The following KHDC4 variants were observed in gnomAD, a reference collection of about 807,000 sequenced individuals.
The protein encoded by KHDC4 is KH domain containing 4, pre-mRNA splicing factor, also known as KH homology domain-containing protein 4.
KHDC4 carries 19 observed loss-of-function variants against 74.5 expected under a neutral mutation model. The observed-to-expected ratio is 0.26, with a 90% CI of 0.18 to 0.37. The LOEUF (loss-of-function observed/expected upper bound fraction) is 0.37, where lower values mean the gene tolerates loss of function less well. Among genes scored for constraint, KHDC4 ranks in the 10% least tolerant of loss-of-function variants. The pLI, the probability that KHDC4 is intolerant of heterozygous loss-of-function variation, is 1.00. For synonymous variants in KHDC4, 253 were observed against 266.1 expected (o/e 0.95, Z 0.48); for missense variants, 632 against 754.1 (o/e 0.84, Z 1.90).
intron 3 of KHDC4, 59 bp from the exon 4 acceptor site, chr1:155,929,434 C>G: frequency 7.4e-7 from 1 of 1,348,892 alleles, no homozygotes. Flanking sequence ...CAATGGCAGA[C>G]AGATTTTCTT....
In KHDC4 at chr1:155,913,788, G is replaced by A. The variant is rs1673676284; in HGVS notation, c.*333C>T. On this transcript the variant is annotated 3_prime_UTR_variant, in exon 14 of 14. Transcript: ENST00000368321. Reference sequence around the variant, plus strand: ...AAAACTTTCTTTATGTCAGAACTGGGGCTATTCACCTGGAAAAGGCTGACC... The same window carrying A: ...AAAACTTTCTTTATGTCAGAACTGGAGCTATTCACCTGGAAAAGGCTGACC... 1.2e-5 allele frequency: 3 copies of A among 243,640 alleles called. No individual in the cohort carries two copies. Among genetic ancestry groups the A allele is most frequent in the Non-Finnish European group, 2.4e-5 (3 of 125,374 alleles). The allele number at this position is 243,640 out of a possible 1,614,324, so 15.1% of individuals were successfully genotyped here.
At chr1:155,921,187 T>G (rs577016549) in intron 10 of KHDC4, 188 bp downstream of exon 10, 2 of 627,262 alleles carry the variant, frequency 3.2e-6, no homozygotes, top group East Asian at 5.6e-5. Flanking sequence ...AAATATAAAC[T>G]TCAGGATGAC....
At chr1:155,929,903 T>C in intron 2 of KHDC4, 63 bp from the exon 3 acceptor site, 1 of 1,144,586 alleles carries the variant, frequency 8.7e-7, no homozygotes, top group Non-Finnish European at 1.2e-6. Flanking sequence ...TTTTTTTATT[T>C]TATTTATTTA....
At chr1:155,924,326 C>T (rs1488488005) in intron 7 of KHDC4, among the ~76,000 whole-genome samples, 2 of 151,888 alleles carry the variant, frequency 1.3e-5, no homozygotes, top group Non-Finnish European at 2.9e-5. Flanking sequence ...TCTCCTGCCT[C>T]AGCCCCCGAG....
chr1:155,915,826 G>A (rs1673719447), intron 13 of KHDC4, 47 bp downstream of exon 13: 2 of 1,248,316 alleles, frequency 1.6e-6, no homozygotes, highest in South Asian at 2.6e-5. Flanking sequence ...AATAGCTTTA[G>A]ACCAGTCTTA....
intron 7 of KHDC4, among the ~76,000 whole-genome samples, chr1:155,925,341 A>AT (rs1557969425): frequency 6.6e-6 from 1 of 151,090 alleles, no homozygotes; most frequent in South Asian, 2.1e-4. Context: ...AATTTTTAAA[A>AT]TTTTTTTGGA....
At chr1:155,931,589 T>C (rs1228012385) in intron 2 of KHDC4, among the ~76,000 whole-genome samples, 2 of 152,120 alleles carry the variant, frequency 1.3e-5, no homozygotes, top group Non-Finnish European at 2.9e-5. Flanking sequence ...ACCTAGCTAA[T>C]TGTTTTTGTA....
At chr1:155,922,993 CAGG>C (rs903426707) in intron 8 of KHDC4, among the ~76,000 whole-genome samples, 1 of 152,094 alleles carries the variant, frequency 6.6e-6, no homozygotes, top group African/African-American at 2.4e-5. Context: ...ATCACGAGGT[CAGG>C]AGATCGAGAC....
chr1:155,931,872 TATC>T (rs1048645387), intron 2 of KHDC4, among the ~76,000 whole-genome samples: 10 of 152,210 alleles, frequency 6.6e-5, no homozygotes, highest in Admixed American at 5.2e-4. Flanking sequence ...TCATTTACAT[TATC>T]ATCTCAATGA....
chr1:155,927,735 G>A (rs1263402803), intron 4 of KHDC4, among the ~76,000 whole-genome samples: 1 of 148,224 alleles, frequency 6.7e-6, no homozygotes, highest in East Asian at 2.0e-4. Context: ...CCCAGGAGGT[G>A]GAGGTTGCAA....
chr1:155,919,817 TAA>T, intron 10 of KHDC4: 1 of 163,950 alleles, frequency 6.1e-6, no homozygotes, highest in East Asian at 1.8e-4. Context: ...TCTCAAAAAA[TAA>T]TAATAAACAA....
intron 10 of KHDC4, among the ~76,000 whole-genome samples, chr1:155,918,981 T>TG (rs953093507): frequency 4.7e-5 from 7 of 150,246 alleles, no homozygotes; most frequent in South Asian, 2.1e-4. Flanking sequence ...GTTTTTTTTT[T>TG]TTTTTTTTTT....
chr1:155,930,855 A>G (rs1674125637), intron 2 of KHDC4, among the ~76,000 whole-genome samples: 1 of 152,122 alleles, frequency 6.6e-6, no homozygotes, highest in Non-Finnish European at 1.5e-5. Flanking sequence ...TCTCTAGTAA[A>G]CATACAAAAT....
Position 155,921,537 on chromosome 1 carries a change from G to A in KHDC4, c.1104C>T (p.Pro368=). The A allele has an allele frequency of 1.2e-6, 2 of 1,614,090 alleles. No individual in the cohort carries two copies. Among genetic ancestry groups the A allele is most frequent in the Non-Finnish European group, 1.7e-6 (2 of 1,180,022 alleles). The change falls in exon 10 of 14, where the codon CCC becomes CCT. Residue 368 remains proline (P), a synonymous_variant. Transcript: ENST00000368321. ...GAGGTTGAACTGGCTGCTGAGGAGG[G>A]GGAACAACAGGGTAACCAGACTGAT... ...NGYQSGYPVV[P]PPQQPVQPPY...
rs1280469315 is a variant in KHDC4, at chr1:155,917,814, A to G, written c.1267-142T>C. On this transcript the variant is annotated intron_variant, in intron 10 of 13. Coordinates refer to ENST00000368321, the MANE Select transcript of KHDC4 (RefSeq NM_014949.4). ...AGGTCCTTAGTTTCCTTCATGTATA[A>G]TTTGGTAACATTATCACCTAAGCCT... is the stretch of plus-strand genomic sequence containing the variant. 4.3e-6 allele frequency: 3 copies of G among 699,872 alleles called. No homozygotes were observed. The South Asian group carries it at 6.1e-5, about 14-fold the overall frequency. 43.4% of individuals were successfully genotyped at this position (699,872 alleles called of 1,614,324 possible). A position where few individuals can be genotyped will look rare whatever the true frequency, so the allele number is the denominator to read the frequency against.
At chr1:155,931,424 C>G (rs1674140188) in intron 2 of KHDC4, among the ~76,000 whole-genome samples, 1 of 152,012 alleles carries the variant, frequency 6.6e-6, no homozygotes, top group Non-Finnish European at 1.5e-5. Flanking sequence ...GCAAACCCAT[C>G]TCTTCAAAAA....
At chr1:155,926,212 A>G in intron 6 of KHDC4, 1 of 415,754 alleles carries the variant, frequency 2.4e-6, no homozygotes, top group Non-Finnish European at 4.6e-6. Context: ...TCAGGTGTTC[A>G]TTATACCGTG....
At chr1:155,925,536 A>G in intron 7 of KHDC4, 96 bp downstream of exon 7, 1 of 891,432 alleles carries the variant, frequency 1.1e-6, no homozygotes, top group South Asian at 1.4e-5. Flanking sequence ...ATTACTATTA[A>G]TTACACCCAG....
chr1:155,921,489 C>G lies in KHDC4; in HGVS notation c.1152G>C (p.Val384=), dbSNP rs145643261. Residue 384 remains valine (V), a synonymous_variant, in exon 10 of 14, where the codon GTG becomes GTC. Transcript: ENST00000368321. The stretch of plus-strand genomic sequence containing the variant: ...CAGGTGCTAATGAAACAGCTGGTGG[C>G]ACTATGCTTGGTACTCCGTAGGGAG... ...VQPPYGVPSI[V]PPAVSLAPGV... 2.4e-5 allele frequency: 38 copies of G among 1,613,966 alleles called. No individual in the cohort carries two copies. The highest frequency in any genetic ancestry group is 3.3e-4 in the Middle Eastern group (2 of 6,084).
Sources: gnomAD v4.1 joint callset for allele counts (sites outside exome capture counted in the v4.1 genomes callset) on GRCh38, gnomAD v4.1.1 for gene constraint, MANE v1.5 for transcripts, NCBI Gene and HGNC (gene_info 2026-07-23, HGNC 2026-07-21) for gene names.